The following CACNG3 variants were observed in gnomAD, a reference collection of about 807,000 sequenced individuals.
CACNG3 encodes the protein calcium voltage-gated channel auxiliary subunit gamma 3.
A neutral mutation model predicts 28.5 loss-of-function variants in CACNG3; 3 were observed. The ratio of observed to expected loss-of-function variants is 0.11; its 90% CI spans 0.05 to 0.27. CACNG3 has a LOEUF of 0.27. Ranked by LOEUF, CACNG3 falls within the 10% of genes least tolerant of loss-of-function variation. The probability of loss-of-function intolerance (pLI) is 1.00; values close to 1 mark genes in which losing one functional copy is unlikely to be tolerated. For missense variants in CACNG3, 236 were observed against 414.4 expected, an observed-to-expected ratio of 0.57 and a Z score of 3.74; for synonymous variants, 174 against 162.2, an observed-to-expected ratio of 1.07 and a Z score of -0.55.
intron 1 of CACNG3, among the ~76,000 whole-genome samples, chr16:24,259,746 T>C (rs1898514527): frequency 6.6e-6 from 1 of 152,198 alleles, no homozygotes; most frequent in African/African-American, 2.4e-5. Flanking sequence ...AACCAGGTTT[T>C]ACCTCAATAT....
At chr16:24,281,645 G>A (rs374360444) in intron 1 of CACNG3, among the ~76,000 whole-genome samples, 2 of 152,296 alleles carry the variant, frequency 1.3e-5, no homozygotes, top group African/African-American at 4.8e-5. Context: ...GTCCCCGAAA[G>A]GTTGATTGGC....
At chr16:24,335,959 G>A (rs901819125) in intron 1 of CACNG3, among the ~76,000 whole-genome samples, 1 of 151,852 alleles carries the variant, frequency 6.6e-6, no homozygotes, top group Non-Finnish European at 1.5e-5. Context: ...GCCTGCCTCG[G>A]CCTCCCAAAG....
intron 1 of CACNG3, among the ~76,000 whole-genome samples, chr16:24,337,879 C>G (rs1014208777): frequency 2.1e-4 from 30 of 139,608 alleles, no homozygotes; most frequent in African/African-American, 7.7e-4. Context: ...CCTAGATTTT[C>G]CAGAGGTTGA....
In CACNG3 at chr16:24,361,661, C is replaced by T; in HGVS notation, c.746C>T (p.Pro249Leu). The change falls in exon 4 of 4, where the codon CCC becomes CTC. Residue 249 changes from proline (P) to leucine (L), a missense_variant. By Grantham distance (98) the Pro-to-Leu change is moderately conservative. Around this residue, in one of 2 missense-constraint regions of CACNG3, gnomAD observed 116 missense variants for 151.0 expected, o/e 0.77. Coordinates refer to ENST00000005284, the MANE Select transcript of CACNG3 (RefSeq NM_006539.4). This position sits in a 1 kb window ranked among gnomAD's most constrained non-coding sequence, Gnocchi z 6.8. ...STEPRSRDLSPISKGFHTIPS... is the reference protein window; with the variant it reads ...STEPRSRDLSLISKGFHTIPS... Reference sequence around the variant, plus strand: ...GAGCCCAGATCCCGAGACCTGTCCCCCATCAGCAAAGGCTTCCACACCATC... The same window carrying T: ...GAGCCCAGATCCCGAGACCTGTCCCTCATCAGCAAAGGCTTCCACACCATC... 1 of 1,614,032 alleles carries T rather than the reference C, an allele frequency of 6.2e-7. No individual in the cohort carries two copies.
intron 1 of CACNG3, among the ~76,000 whole-genome samples, chr16:24,287,657 GAA>G (rs1432092316): frequency 1.3e-5 from 2 of 152,038 alleles, no homozygotes; most frequent in Admixed American, 1.3e-4. Context: ...CCTGGCAACA[GAA>G]CCATCCTACC....
intron 1 of CACNG3, among the ~76,000 whole-genome samples, chr16:24,289,453 G>A (rs1440242400): frequency 6.6e-6 from 1 of 152,178 alleles, no homozygotes; most frequent in Non-Finnish European, 1.5e-5. Context: ...AAACTTTCAA[G>A]TTGGCAGGAT....
At chr16:24,340,258 G>A (rs1195626655) in intron 1 of CACNG3, among the ~76,000 whole-genome samples, 1 of 152,080 alleles carries the variant, frequency 6.6e-6, no homozygotes, top group East Asian at 1.9e-4. Flanking sequence ...AACTAGCCTA[G>A]GTGTGGCAGT....
Position 24,361,671 on chromosome 16 carries a change from A to G in CACNG3, c.756A>G (p.Lys252=), listed in dbSNP as rs1285699316. 1 of 1,611,646 alleles carries G rather than the reference A, an allele frequency of 6.2e-7. No homozygotes were observed. Residue 252 remains lysine, a synonymous_variant, in exon 4 of 4, where the codon AAA becomes AAG. Coordinates refer to ENST00000005284, the MANE Select transcript of CACNG3 (RefSeq NM_006539.4). This position sits in a 1 kb window ranked among gnomAD's most constrained non-coding sequence, Gnocchi z 6.8. ...PRSRDLSPIS[K]GFHTIPSTDI... ...CCCGAGACCTGTCCCCCATCAGCAA[A>G]GGCTTCCACACCATCCCTTCCACTG...
At chr16:24,339,152 A>T (rs1899748452) in intron 1 of CACNG3, among the ~76,000 whole-genome samples, 1 of 152,112 alleles carries the variant, frequency 6.6e-6, no homozygotes, top group Non-Finnish European at 1.5e-5. Flanking sequence ...TATTCTTTTT[A>T]ATTTAAAAGG....
At chr16:24,356,821 A>C (rs1016120320) in intron 3 of CACNG3, among the ~76,000 whole-genome samples, 1 of 152,212 alleles carries the variant, frequency 6.6e-6, no homozygotes, top group Non-Finnish European at 1.5e-5. Flanking sequence ...TAATTTATAA[A>C]GGAAAGAAGT....
chr16:24,334,906 TG>T, intron 1 of CACNG3, among the ~76,000 whole-genome samples: 1 of 152,312 alleles, frequency 6.6e-6, no homozygotes. Context: ...TACCCATGTC[TG>T]GGTGAGGGCA....
At chr16:24,347,379 A>G (rs1311919169) in intron 2 of CACNG3, among the ~76,000 whole-genome samples, 4 of 152,040 alleles carry the variant, frequency 2.6e-5, no homozygotes, top group Non-Finnish European at 5.9e-5. Flanking sequence ...AGAGAAAGAG[A>G]AGGGAGGAAG....
At chr16:24,301,421 G>A (rs1353400295) in intron 1 of CACNG3, among the ~76,000 whole-genome samples, 1 of 152,124 alleles carries the variant, frequency 6.6e-6, no homozygotes, top group East Asian at 1.9e-4. Flanking sequence ...CTCTGGAACT[G>A]AACAAACCAC....
At chr16:24,270,805 A>T (rs1898677527) in intron 1 of CACNG3, among the ~76,000 whole-genome samples, 1 of 152,218 alleles carries the variant, frequency 6.6e-6, no homozygotes. Context: ...ATGAAATTGT[A>T]AATGGTGTGG....
intron 1 of CACNG3, among the ~76,000 whole-genome samples, chr16:24,322,292 G>A (rs140873903): frequency 2.9e-3 from 437 of 152,106 alleles, no homozygotes; most frequent in Admixed American, 4.8e-3. Flanking sequence ...GGAGAACACC[G>A]CCCAGCCAGT....
chr16:24,319,477 G>T (rs745550974), intron 1 of CACNG3, among the ~76,000 whole-genome samples: 7 of 152,164 alleles, frequency 4.6e-5, no homozygotes, highest in Non-Finnish European at 2.9e-5. Flanking sequence ...TGCAAGAGAA[G>T]AGGTCTTGCT....
intron 1 of CACNG3, among the ~76,000 whole-genome samples, chr16:24,313,183 A>C (rs534339417): frequency 2.0e-5 from 3 of 152,222 alleles, no homozygotes; most frequent in African/African-American, 7.2e-5. Flanking sequence ...TTAAAAAATA[A>C]CAGTAGCTAG....
At chr16:24,267,884 T>G (rs35449731) in intron 1 of CACNG3, among the ~76,000 whole-genome samples, 19,964 of 152,114 alleles carry the variant, frequency 0.13, 1,473 homozygotes, top group African/African-American at 0.19. Context: ...TTGACCAGGC[T>G]GGTCTCGAAC....
intron 1 of CACNG3, among the ~76,000 whole-genome samples, chr16:24,315,461 T>A (rs533882527): frequency 2.0e-5 from 3 of 148,860 alleles, no homozygotes; most frequent in African/African-American, 7.4e-5. Flanking sequence ...CTTCCTTCTT[T>A]CCTTCCTTCC....
Sources: gnomAD v4.1 joint callset for allele counts (sites outside exome capture counted in the v4.1 genomes callset) on GRCh38, gnomAD v4.1.1 for gene constraint, gnomAD v4.1.1 regional missense constraint, Gnocchi (gnomAD v3.1) non-coding constraint, MANE v1.5 for transcripts, NCBI Gene and HGNC (gene_info 2026-07-23, HGNC 2026-07-21) for gene names.